The following RC3H1 variants were observed in gnomAD, a reference collection of about 807,000 sequenced individuals.
The protein encoded by RC3H1 is ring finger and CCCH-type domains 1.
Under a neutral mutation model 138.2 loss-of-function variants are expected in RC3H1, and 50 were observed. That is an observed-to-expected ratio of 0.36 (90% CI 0.29 to 0.46). The LOEUF is 0.46. Among genes scored for constraint, RC3H1 ranks in the 20% least tolerant of loss-of-function variants. RC3H1 has a pLI of 1.00. For missense variants in RC3H1, 1,031 were observed against 1,388.1 expected (o/e 0.74, Z 4.09); for synonymous variants, 462 against 489.1 (o/e 0.94, Z 0.73).
In RC3H1 at chr1:173,936,796, G is replaced by C. The variant is rs1572104942; in HGVS notation, c.*1925C>G. On this transcript the variant is annotated 3_prime_UTR_variant, in exon 20 of 20. Transcript: ENST00000367696. ...TTTTTTTTAAAAAAAGAAGACAAATGTATAAGAAAACTGGAAAAAAAAAAA... is the reference window on the plus strand; with the variant it reads ...TTTTTTTTAAAAAAAGAAGACAAATCTATAAGAAAACTGGAAAAAAAAAAA... 1 of 87,870 alleles carries C rather than the reference G, an allele frequency of 1.1e-5. No homozygotes were observed. Among genetic ancestry groups the C allele is most frequent in the Non-Finnish European group, 2.3e-5 (1 of 42,710 alleles). The allele number at this position is 87,870 out of a possible 1,614,324, so 5.4% of individuals were successfully genotyped here. A position where few individuals can be genotyped will look rare whatever the true frequency, so the allele number is the denominator to read the frequency against.
At position 173,936,227 on chromosome 1, in the gene RC3H1, C is replaced by T. The variant is rs559107522; in HGVS notation, c.*2494G>A. The T allele has an allele frequency of 4.7e-4, 72 of 152,066 alleles. No homozygotes were observed. Among genetic ancestry groups the T allele is most frequent in the Middle Eastern group, 3.4e-3 (1 of 294 alleles). 9.4% of individuals were successfully genotyped at this position (152,066 alleles called of 1,614,324 possible). ...TTTTAAACTTAAACAAAAATTAATA[C>T]CCACAAATTATCTTCTAATACAAGA... On this transcript the variant is annotated 3_prime_UTR_variant, in exon 20 of 20. Transcript: ENST00000367696.
chr1:173,943,803 T>C (rs184635894), intron 17 of RC3H1, among the ~76,000 whole-genome samples, 188 bp from the exon 18 acceptor site: 2 of 152,312 alleles, frequency 1.3e-5, no homozygotes, highest in African/African-American at 4.8e-5. Flanking sequence ...AATAGGGACA[T>C]TTAAATTTAG....
Position 173,964,219 on chromosome 1 carries a change from A to G in RC3H1, c.1617-32T>C, listed in dbSNP as rs775449003. 3.8e-5 allele frequency: 58 copies of G among 1,513,146 alleles called. 3 individuals carry two copies. In the Middle Eastern group the frequency reaches 8.9e-3, roughly 231 times the overall value. The allele number at this position is 1,513,146 out of a possible 1,614,324, so 93.7% of individuals were successfully genotyped here. A position where few individuals can be genotyped will look rare whatever the true frequency, so the allele number is the denominator to read the frequency against. ...GAATAATATTATGGAAGTTGTTTAA[A>G]AAATACTTCTCATGTGCATAAATTG... On this transcript the variant is annotated intron_variant, in intron 10 of 19. Transcript: ENST00000367696.
At chr1:173,967,726 C>T (rs575698439) in intron 9 of RC3H1, among the ~76,000 whole-genome samples, 1 of 152,284 alleles carries the variant, frequency 6.6e-6, no homozygotes, top group East Asian at 1.9e-4. Context: ...CTCTGTGTGT[C>T]ATTTCCTCAC....
chr1:173,962,206 T>C, intron 11 of RC3H1, 111 bp from the exon 12 acceptor site: 1 of 1,065,392 alleles, frequency 9.4e-7, no homozygotes, highest in Non-Finnish European at 1.3e-6. Flanking sequence ...AATCTACTTA[T>C]TTCTTTACGA....
intron 1 of RC3H1, among the ~76,000 whole-genome samples, chr1:173,998,823 G>A (rs1010290999): frequency 2.0e-5 from 3 of 152,112 alleles, no homozygotes; most frequent in African/African-American, 7.2e-5. Context: ...TAGGTGCTGT[G>A]GTTCACGCCT....
In RC3H1 at chr1:173,961,860, T is replaced by G; in HGVS notation, c.2067A>C (p.Glu689Asp). Reference sequence around the variant, plus strand: ...GTGGAATCTCAATGGGTATAGGGCTTTCTCGGAATATCTCTTCTCTTGTGT... The same window carrying G: ...GTGGAATCTCAATGGGTATAGGGCTGTCTCGGAATATCTCTTCTCTTGTGT... ...PSYTREEIFR[E>D]SPIPIEIPPA... The change falls in exon 12 of 20, where the codon GAA becomes GAC. Residue 689 changes from glutamate to aspartate, a missense_variant. Coordinates refer to ENST00000367696, the MANE Select transcript of RC3H1 (RefSeq NM_172071.4). 6.2e-7 allele frequency: 1 copy of G among 1,614,148 alleles called. No individual in the cohort carries two copies. Among genetic ancestry groups the G allele is most frequent in the Non-Finnish European group, 8.5e-7 (1 of 1,180,026 alleles).
Position 173,984,477 on chromosome 1 carries a change from TAAG to T in RC3H1, c.352+19_352+21del, listed in dbSNP as rs1315266576. 2.5e-6 allele frequency: 4 copies of T among 1,609,010 alleles called. No homozygotes were observed. In the African/African-American group the frequency reaches 5.4e-5, roughly 22 times the overall value. ...TAAAAAAGCAGTTTTACTCTTTAAA[TAAG>T]AAACAAAAACAAACTTACCTCTAGC... On this transcript the variant is annotated intron_variant, in intron 3 of 19. Coordinates refer to ENST00000367696, the MANE Select transcript of RC3H1 (RefSeq NM_172071.4).
At chr1:174,016,288 T>C (rs982058993) in intron 1 of RC3H1, 3 of 152,136 alleles carry the variant, frequency 2.0e-5, no homozygotes, top group Admixed American at 1.3e-4. Flanking sequence ...TAATGAGGCA[T>C]ATATAAAAAC....
chr1:173,961,885 T>C lies in RC3H1; in HGVS notation c.2042A>G (p.Tyr681Cys). Residue 681 changes from tyrosine to cysteine, a missense_variant, in exon 12 of 20, where the codon TAC becomes TGC. By Grantham distance (194) the Tyr-to-Cys change is radical. Transcript: ENST00000367696. ...DGRRVYPAPS[Y>C]TREEIFRESP... ...TTCTCGGAATATCTCTTCTCTTGTGTAAGACGGAGCAGGGTACACTCGACG... is the reference window on the plus strand; with the variant it reads ...TTCTCGGAATATCTCTTCTCTTGTGCAAGACGGAGCAGGGTACACTCGACG... The C allele has an allele frequency of 6.2e-7, 1 of 1,614,190 alleles. No individual in the cohort carries two copies. Among genetic ancestry groups the C allele is most frequent in the South Asian group, 1.1e-5 (1 of 91,088 alleles).
At chr1:174,009,132 T>C (rs1018443709) in intron 1 of RC3H1, 1 of 152,156 alleles carries the variant, frequency 6.6e-6, no homozygotes, top group Non-Finnish European at 1.5e-5. Flanking sequence ...AATTCACGCT[T>C]AGGTTTGTAT....
chr1:173,945,130 T>C (rs1157547209), intron 17 of RC3H1, among the ~76,000 whole-genome samples: 1 of 151,596 alleles, frequency 6.6e-6, no homozygotes, highest in Non-Finnish European at 1.5e-5. Flanking sequence ...AATTCCTTTT[T>C]TTTTTTTTTT....
chr1:173,947,490 G>A lies in RC3H1; in HGVS notation c.2616C>T (p.Asp872=). The A allele has an allele frequency of 3.7e-6, 6 of 1,613,928 alleles. No homozygotes were observed. The highest frequency in any genetic ancestry group is 5.1e-6 in the Non-Finnish European group (6 of 1,179,966). ...CACCAAACCGAGACACTGTTGGTCG[G>A]TCTCCAAATGGGATGAGGTCATCAT... is the stretch of plus-strand genomic sequence containing the variant. ...TSDDDLIPFG[D]RPTVSRFGAI... The change falls in exon 15 of 20, where the codon GAC becomes GAT. Residue 872 remains aspartate, a synonymous_variant. Coordinates refer to ENST00000367696, the MANE Select transcript of RC3H1 (RefSeq NM_172071.4).
Position 173,933,701 on chromosome 1 carries a change from T to C in RC3H1, c.*5020A>G, listed in dbSNP as rs972356019. The stretch of plus-strand genomic sequence containing the variant: ...CCTGAGCTGAAGCAACAAATAAATA[T>C]AAAAATCATAGCTGTCCAAGGTAGA... On this transcript the variant is annotated 3_prime_UTR_variant, in exon 20 of 20. Transcript: ENST00000367696. 2.0e-5 allele frequency: 3 copies of C among 152,084 alleles called. No homozygotes were observed. Among genetic ancestry groups the C allele is most frequent in the Admixed American group, 6.5e-5 (1 of 15,270 alleles). 9.4% of individuals were successfully genotyped at this position (152,084 alleles called of 1,614,324 possible). A position where few individuals can be genotyped will look rare whatever the true frequency, so the allele number is the denominator to read the frequency against.
chr1:173,949,489 C>T (rs1659291611), intron 14 of RC3H1, among the ~76,000 whole-genome samples: 1 of 152,078 alleles, frequency 6.6e-6, no homozygotes, highest in South Asian at 2.1e-4. Flanking sequence ...CTGCCTCAAC[C>T]TCCCAAGTAC....
chr1:173,961,014 A>T (rs1659849219), intron 13 of RC3H1, 63 bp downstream of exon 13: 1 of 1,509,314 alleles, frequency 6.6e-7, no homozygotes, highest in African/African-American at 1.4e-5. Context: ...ATAGGCAAAG[A>T]TGACTTAAAC....
chr1:173,981,395 A>G (rs1440036040), intron 5 of RC3H1, among the ~76,000 whole-genome samples: 1 of 152,180 alleles, frequency 6.6e-6, no homozygotes, highest in Admixed American at 6.5e-5. Flanking sequence ...TGTGAGCATC[A>G]TGTTGGTGTT....
intron 1 of RC3H1, among the ~76,000 whole-genome samples, chr1:174,007,123 C>T (rs373943687): frequency 3.3e-5 from 5 of 152,164 alleles, no homozygotes; most frequent in Admixed American, 1.3e-4. Context: ...GGCGCAGTGG[C>T]TCACGCCTGT....
chr1:174,003,385 T>TCACA (rs3220994), intron 1 of RC3H1, among the ~76,000 whole-genome samples: 9,900 of 143,210 alleles, frequency 0.069, 386 homozygotes, highest in African/African-American at 0.11. Flanking sequence ...AAGACTCCTA[T>TCACA]CACACACACA....
Sources: allele counts gnomAD v4.1 joint callset (sites outside exome capture counted in the v4.1 genomes callset), GRCh38; gene constraint gnomAD v4.1.1; transcripts MANE v1.5; gene names NCBI Gene and HGNC (gene_info 2026-07-23, HGNC 2026-07-21).